The following ZNF558 variants were observed in gnomAD, a reference collection of about 807,000 sequenced individuals.
ZNF558 encodes zinc finger protein 558.
ZNF558 carries 23 observed loss-of-function variants against 37.6 expected under a neutral mutation model. That is an observed-to-expected ratio of 0.61 (90% confidence interval 0.44 to 0.87). ZNF558 has a LOEUF of 0.87. Ranked by LOEUF, ZNF558 falls within the 40% of genes least tolerant of loss-of-function variation. The pLI, the probability that ZNF558 is intolerant of heterozygous loss-of-function variation, is 0.00. For missense variants in ZNF558, 429 were observed against 483.7 expected (o/e 0.89, Z 1.06); for synonymous variants, 189 against 174.4 (o/e 1.08, Z -0.66).
chr19:8,831,628 G>T (rs2044358542), intron 1 of ZNF558, among the ~76,000 whole-genome samples: 1 of 152,212 alleles, frequency 6.6e-6, no homozygotes, highest in South Asian at 2.1e-4. Flanking sequence ...GTGTGCATTT[G>T]ACTTGCTCAA....
chr19:8,831,158 A>G (rs964395160), intron 2 of ZNF558, 160 bp downstream of exon 2: 2 of 152,230 alleles, frequency 1.3e-5, no homozygotes, highest in African/African-American at 4.8e-5. Flanking sequence ...ACATGTAACC[A>G]TAAACACCTC....
chr19:8,811,089 A>G lies in ZNF558; in HGVS notation c.*192T>C. On this transcript the variant is annotated 3_prime_UTR_variant, in exon 10 of 10. Coordinates refer to ENST00000601372, the MANE Select transcript of ZNF558 (RefSeq NM_144693.3). ...GAGATCCTGCAGTGTAACTACAGAG[A>G]TAAGCTGTTCTTGAATTCCTGATCT... 1.8e-6 allele frequency: 1 copy of G among 568,054 alleles called. No individual in the cohort carries two copies. The highest frequency in any genetic ancestry group is 3.0e-6 in the Non-Finnish European group (1 of 328,006). The allele number at this position is 568,054 out of a possible 1,614,324, so 35.2% of individuals were successfully genotyped here. A position where few individuals can be genotyped will look rare whatever the true frequency, so the allele number is the denominator to read the frequency against.
chr19:8,837,578 C>T, the ZNF558 span, among the ~76,000 whole-genome samples: 6 of 152,212 alleles, frequency 3.9e-5, no homozygotes, highest in South Asian at 1.2e-3. Context: ...ACTTCTCTGG[C>T]TGGAGGGCAG....
intron 9 of ZNF558, 150 bp from the exon 10 acceptor site, chr19:8,812,213 T>C: frequency 1.3e-6 from 1 of 760,868 alleles, no homozygotes. Flanking sequence ...TTCTGCCCAG[T>C]TTTAGCTCTA....
Position 8,822,849 on chromosome 19 carries a change from C to T in ZNF558, c.-65-125G>A. 3 of 845,840 alleles carry T rather than the reference C, an allele frequency of 3.5e-6. No homozygotes were observed. The highest frequency in any genetic ancestry group is 5.5e-6 in the Non-Finnish European group (3 of 548,250). 52.4% of individuals were successfully genotyped at this position (845,840 alleles called of 1,614,324 possible). On this transcript the variant is annotated intron_variant, in intron 4 of 9. Transcript: ENST00000601372. This position sits in a 1 kb window ranked among gnomAD's most constrained non-coding sequence, Gnocchi z 4.4. Reference sequence around the variant, plus strand: ...TGCAAGTTCCGGCTTCCACACTGGGCCTTTATTTTGCTGAGCAGGCAATGA... The same window carrying T: ...TGCAAGTTCCGGCTTCCACACTGGGTCTTTATTTTGCTGAGCAGGCAATGA...
At chr19:8,820,575 T>C (rs1400610650) in intron 7 of ZNF558, among the ~76,000 whole-genome samples, 2 of 151,672 alleles carry the variant, frequency 1.3e-5, no homozygotes, top group Admixed American at 6.6e-5. Flanking sequence ...CTCTGCCTCC[T>C]GGTTCAAGCG....
chr19:8,822,858 TG>T lies in ZNF558; in HGVS notation c.-65-135del. 1 of 782,096 alleles carries T rather than the reference TG, an allele frequency of 1.3e-6. No homozygotes were observed. Among genetic ancestry groups the T allele is most frequent in the Middle Eastern group, 2.8e-4 (1 of 3,510 alleles). The allele number at this position is 782,096 out of a possible 1,614,324, so 48.4% of individuals were successfully genotyped here. On this transcript the variant is annotated intron_variant, in intron 4 of 9. Coordinates refer to ENST00000601372, the MANE Select transcript of ZNF558 (RefSeq NM_144693.3). The surrounding 1 kb of genome is among the most constrained non-coding windows in gnomAD (Gnocchi z 4.4). ...CGGCTTCCACACTGGGCCTTTATTT[TG>T]CTGAGCAGGCAATGAATTCAGGGCC...
At chr19:8,819,101 G>C (rs993200032) in intron 7 of ZNF558, among the ~76,000 whole-genome samples, 2 of 151,890 alleles carry the variant, frequency 1.3e-5, no homozygotes, top group Non-Finnish European at 2.9e-5. Context: ...TCATGACCTT[G>C]ACTTGAGCAA....
rs782632405 is a variant in ZNF558, at chr19:8,811,868, A to G, written c.622T>C (p.Tyr208His). 6.2e-7 allele frequency: 1 copy of G among 1,614,152 alleles called. No homozygotes were observed. Among genetic ancestry groups the G allele is most frequent in the Middle Eastern group, 1.6e-4 (1 of 6,062 alleles). The change falls in exon 10 of 10, where the codon TAT (tyrosine) becomes CAT (histidine). Residue 208 changes from tyrosine (Y) to histidine (H), a missense_variant. Transcript: ENST00000601372. Reference protein sequence around the residue: ...HKRIHNGEKPYECNHCGKAFS... With the variant: ...HKRIHNGEKPHECNHCGKAFS... ...GCTTTCCCACAGTGATTGCATTCAT[A>G]GGGTTTCTCCCCATTATGGATTCTC...
Position 8,822,736 on chromosome 19 carries a change from G to A in ZNF558, c.-65-12C>T, listed in dbSNP as rs1465516668. 3.5e-5 allele frequency: 56 copies of A among 1,610,372 alleles called. No homozygotes were observed. In the East Asian group the frequency reaches 1.1e-3, roughly 31 times the overall value. ...TATCCCGCAGCGCTCTGGAAGAAAC[G>A]GGAATGCTCCAAGTCTCCGTGGCCT... is the stretch of plus-strand genomic sequence containing the variant. On this transcript the variant is annotated splice_polypyrimidine_tract_variant and intron_variant, in intron 4 of 9. Coordinates refer to ENST00000601372, the MANE Select transcript of ZNF558 (RefSeq NM_144693.3). The surrounding 1 kb of genome is among the most constrained non-coding windows in gnomAD (Gnocchi z 4.4).
Position 8,819,250 on chromosome 19 carries a change from G to A in ZNF558, c.247+1930C>T, listed in dbSNP as rs978272685. Among the ~76,000 whole-genome samples the A allele has an allele frequency of 3.3e-5, 5 of 152,188 alleles. No homozygotes were observed. In the East Asian group the frequency reaches 5.8e-4, roughly 18 times the overall value. ...CCTAGGCTGGAATATAGTGGATCTCGGCTCACTACAACCTCTGCCTCCCAG... is the reference window on the plus strand; with the variant it reads ...CCTAGGCTGGAATATAGTGGATCTCAGCTCACTACAACCTCTGCCTCCCAG... On this transcript the variant is annotated intron_variant, in intron 7 of 9. Transcript: ENST00000601372.
In ZNF558 at chr19:8,808,483, A is replaced by G. The variant is rs1375811384; in HGVS notation, c.*2798T>C. On this transcript the variant is annotated 3_prime_UTR_variant, in exon 10 of 10. Transcript: ENST00000601372. The stretch of plus-strand genomic sequence containing the variant: ...AATGACAAAATTACAGTGTTAATAC[A>G]TAAACATAATGGAAGAGTTTACCAC... The G allele has an allele frequency of 6.6e-6, 1 of 152,246 alleles. No individual in the cohort carries two copies. Among genetic ancestry groups the G allele is most frequent in the Non-Finnish European group, 1.5e-5 (1 of 68,048 alleles). 9.4% of individuals were successfully genotyped at this position (152,246 alleles called of 1,614,324 possible).
chr19:8,813,278 C>T, intron 7 of ZNF558, 56 bp from the exon 8 acceptor site: 1 of 1,402,742 alleles, frequency 7.1e-7, no homozygotes, highest in Admixed American at 2.0e-5. Context: ...ACAACCAAGT[C>T]CATGAAAGAA....
At position 8,822,946 on chromosome 19, in the gene ZNF558, C is replaced by T; in HGVS notation, c.-65-222G>A. The stretch of plus-strand genomic sequence containing the variant: ...CAACGACCAGTACCTCCCTGACCCA[C>T]CCGCTTTGAGAACCTCGGCTTCACG... On this transcript the variant is annotated intron_variant, in intron 4 of 9. Transcript: ENST00000601372. The surrounding 1 kb of genome is among the most constrained non-coding windows in gnomAD (Gnocchi z 4.4). 1 of 476,802 alleles carries T rather than the reference C, an allele frequency of 2.1e-6. No homozygotes were observed. The highest frequency in any genetic ancestry group is 3.3e-5 in the Admixed American group (1 of 30,634). 29.5% of individuals were successfully genotyped at this position (476,802 alleles called of 1,614,324 possible).
intron 3 of ZNF558, among the ~76,000 whole-genome samples, chr19:8,824,662 G>A (rs1011863373): frequency 2.6e-5 from 4 of 152,040 alleles, no homozygotes; most frequent in African/African-American, 4.8e-5. Flanking sequence ...TGCCTTCTCC[G>A]CAGGGCTTGC....
rs1483144097 is a variant in ZNF558 at position 8,808,549 on chromosome 19, A to C, written c.*2732T>G. ...TAAGGTTAGAAAAAGAAATCTGAAC[A>C]TACGTACTGTACTTGGAAATACAAT... On this transcript the variant is annotated 3_prime_UTR_variant, in exon 10 of 10. Transcript: ENST00000601372. 6.6e-6 allele frequency: 1 copy of C among 152,208 alleles called. No individual in the cohort carries two copies. Among genetic ancestry groups the C allele is most frequent in the African/African-American group, 2.4e-5 (1 of 41,454 alleles). 9.4% of individuals were successfully genotyped at this position (152,208 alleles called of 1,614,324 possible).
At chr19:8,824,650 C>T (rs149433445) in intron 3 of ZNF558, among the ~76,000 whole-genome samples, 2 of 152,266 alleles carry the variant, frequency 1.3e-5, no homozygotes, top group East Asian at 3.9e-4. Flanking sequence ...CAAGGAGCTG[C>T]CTGCCTTCTC....
rs2044174933 is a variant in ZNF558, at chr19:8,824,061, AC to A, written c.-66+20del. 1 of 152,362 alleles carries A rather than the reference AC, an allele frequency of 6.6e-6. No homozygotes were observed. Among genetic ancestry groups the A allele is most frequent in the South Asian group, 2.1e-4 (1 of 4,838 alleles). The allele number at this position is 152,362 out of a possible 1,614,324, so 9.4% of individuals were successfully genotyped here. A position where few individuals can be genotyped will look rare whatever the true frequency, so the allele number is the denominator to read the frequency against. On this transcript the variant is annotated intron_variant, in intron 4 of 9. Coordinates refer to ENST00000601372, the MANE Select transcript of ZNF558 (RefSeq NM_144693.3). ...CTCACACCCTGTGTAGGCCCGACGC[AC>A]ACACGGAATTAGAGCTGACCTGTGT... is the stretch of plus-strand genomic sequence containing the variant.
intron 7 of ZNF558, among the ~76,000 whole-genome samples, chr19:8,820,792 A>G (rs1355391069): frequency 1.3e-5 from 2 of 152,174 alleles, no homozygotes; most frequent in Non-Finnish European, 2.9e-5. Flanking sequence ...TAAGTTTTTA[A>G]AACACTGTGC....
Sources: allele counts gnomAD v4.1 joint callset (sites outside exome capture counted in the v4.1 genomes callset), GRCh38; gene constraint gnomAD v4.1.1; non-coding constraint Gnocchi (gnomAD v3.1); transcripts MANE v1.5; gene names NCBI Gene and HGNC (gene_info 2026-07-23, HGNC 2026-07-21).